The following TDRD12 variants were observed in gnomAD, a reference collection of about 807,000 sequenced individuals.
TDRD12 encodes tudor domain containing 12.
Under a neutral mutation model 133.5 loss-of-function variants are expected in TDRD12, and 158 were observed. That is an observed-to-expected ratio of 1.18 (90% CI 1.04 to 1.35). The LOEUF is 1.35. Among genes scored for constraint, TDRD12 ranks in the 40% most tolerant of loss-of-function variants. TDRD12 has a pLI of 0.00. For synonymous variants in TDRD12, 460 were observed against 477.9 expected, an observed-to-expected ratio of 0.96 and a Z score of 0.49; for missense variants, 1,443 against 1,321.3, an observed-to-expected ratio of 1.09 and a Z score of -1.43.
chr19:32,802,693 C>T (rs754001972), exon 20 of TDRD12: 118 of 1,536,084 alleles, frequency 7.7e-5, no homozygotes, highest in Non-Finnish European at 9.6e-5. Context: ...TGGCCATCAC[C>T]GATGCCACGT....
chr19:32,749,663 C>A, intron 5 of TDRD12, 121 bp from the exon 6 acceptor site: 1 of 695,718 alleles, frequency 1.4e-6, no homozygotes. Context: ...TGGTCCTGCC[C>A]GAGGAAGACA....
chr19:32,740,611 G>A (rs1418581582), intron 3 of TDRD12, among the ~76,000 whole-genome samples: 1 of 152,150 alleles, frequency 6.6e-6, no homozygotes, highest in African/African-American at 2.4e-5. Flanking sequence ...CCTCTTCTGG[G>A]TGCTCCTTGC....
intron 8 of TDRD12, among the ~76,000 whole-genome samples, chr19:32,767,469 A>G (rs1970332132): frequency 6.6e-6 from 1 of 152,138 alleles, no homozygotes. Flanking sequence ...TAGAAACCCC[A>G]CAATAATTCA....
intron 8 of TDRD12, among the ~76,000 whole-genome samples, chr19:32,760,293 T>C (rs1044128268): frequency 4.6e-5 from 7 of 152,226 alleles, no homozygotes; most frequent in African/African-American, 1.7e-4. Flanking sequence ...GTAACTGAAT[T>C]GGCATGTAAA....
At chr19:32,750,851 CA>C (rs1488190744) in intron 6 of TDRD12, among the ~76,000 whole-genome samples, 1 of 152,198 alleles carries the variant, frequency 6.6e-6, no homozygotes. Flanking sequence ...GCATTTTTGG[CA>C]AGAAGCCCAC....
chr19:32,734,153 C>G (rs1237051688), intron 2 of TDRD12, among the ~76,000 whole-genome samples: 2 of 152,030 alleles, frequency 1.3e-5, no homozygotes, highest in Admixed American at 6.6e-5. Context: ...TCTCAGCCTC[C>G]CAAAGTGCTG....
chr19:32,810,544 A>G (rs1053166923), intron 23 of TDRD12, among the ~76,000 whole-genome samples: 1 of 152,216 alleles, frequency 6.6e-6, no homozygotes, highest in African/African-American at 2.4e-5. Flanking sequence ...CCAAGTTCCT[A>G]TCAAGTGGGC....
intron 11 of TDRD12, among the ~76,000 whole-genome samples, chr19:32,780,287 T>C (rs1179866944): frequency 6.6e-6 from 1 of 152,156 alleles, no homozygotes; most frequent in Non-Finnish European, 1.5e-5. Context: ...GGTTTCGCCA[T>C]GATGGCCAGG....
At chr19:32,793,139 T>C (rs1319713790) in intron 13 of TDRD12, among the ~76,000 whole-genome samples, 1 of 152,002 alleles carries the variant, frequency 6.6e-6, no homozygotes, top group Non-Finnish European at 1.5e-5. Context: ...TGAGCCAAGA[T>C]CGTGCCACTG....
intron 4 of TDRD12, among the ~76,000 whole-genome samples, chr19:32,745,043 T>C (rs1261355224): frequency 2.0e-5 from 3 of 152,204 alleles, no homozygotes; most frequent in African/African-American, 7.2e-5. Context: ...CTGAGGCCAA[T>C]GCGCCCTACC....
exon 10 of TDRD12, chr19:32,829,070 T>A (rs1395270357): frequency 1.3e-5 from 2 of 152,338 alleles, no homozygotes; most frequent in Admixed American, 6.5e-5. Context: ...GTGAAGGTTT[T>A]GACTGTGGAG....
At chr19:32,766,637 C>CAA in intron 8 of TDRD12, among the ~76,000 whole-genome samples, 1 of 150,716 alleles carries the variant, frequency 6.6e-6, no homozygotes, top group African/African-American at 2.4e-5. Context: ...TTTTTTGAGA[C>CAA]AGAGTCTCGC....
chr19:32,813,853 A>G, intron 25 of TDRD12, 77 bp downstream of exon 25: 1 of 799,842 alleles, frequency 1.3e-6, no homozygotes, highest in Admixed American at 2.5e-5. Context: ...CTAAGCCCTC[A>G]CTTGAATAAC....
At chr19:32,809,888 T>C (rs1966940741) in intron 22 of TDRD12, among the ~76,000 whole-genome samples, 1 of 152,234 alleles carries the variant, frequency 6.6e-6, no homozygotes, top group Non-Finnish European at 1.5e-5. Flanking sequence ...TTCCATTAGA[T>C]TTAAAGTGAA....
At position 32,730,998 on chromosome 19, in the gene TDRD12, C is replaced by G. The variant is rs1176843456; in HGVS notation, c.25-727C>G. Among the ~76,000 whole-genome samples, 3 of 152,184 alleles carry G rather than the reference C, an allele frequency of 2.0e-5. No individual in the cohort carries two copies. In the East Asian group the frequency reaches 5.8e-4, roughly 29 times the overall value. ...CCACTGCACTCCAACCTGGGTGACA[C>G]AGCGAGACCTTTTGGTATTTTCAAT... is the stretch of plus-strand genomic sequence containing the variant. On this transcript the variant is annotated intron_variant, in intron 1 of 27. Coordinates refer to ENST00000444215, the Ensembl canonical transcript of TDRD12.
Position 32,736,905 on chromosome 19 carries a change from G to C in TDRD12, c.184-1951G>C, listed in dbSNP as rs144103415. On this transcript the variant is annotated intron_variant, in intron 2 of 27. Transcript: ENST00000444215. ...CATTTACAGATGCTTCTTAACTTAC[G>C]ATGAGGTTATGTCCTGATAATTGTA... Among the ~76,000 whole-genome samples, 6 of 152,208 alleles carry C rather than the reference G, an allele frequency of 3.9e-5. No homozygotes were observed. The East Asian group carries it at 1.2e-3, about 29-fold the overall frequency.
intron 8 of TDRD12, among the ~76,000 whole-genome samples, chr19:32,764,103 C>CTTTTTTTTTTTTTTTT (rs5827820): frequency 4.1e-5 from 3 of 72,298 alleles, no homozygotes; most frequent in Non-Finnish European, 7.1e-5. Flanking sequence ...TATTGTCCAT[C>CTTTTTTTTTTTTTTTT]TTTTTTTTTT....
chr19:32,762,032 T>G (rs1410650273), intron 8 of TDRD12, among the ~76,000 whole-genome samples: 6 of 151,742 alleles, frequency 4.0e-5, no homozygotes, highest in Admixed American at 2.0e-4. Flanking sequence ...TTAAATTGAC[T>G]TTTTTGTCCT....
At chr19:32,824,923 G>C (rs1446835068), downstream of TDRD12, among the ~76,000 whole-genome samples, 2 of 152,140 alleles carry the variant, frequency 1.3e-5, no homozygotes, top group African/African-American at 4.8e-5. Context: ...TTGGTTGACG[G>C]CTCCGAGGAG....
Sources: allele counts gnomAD v4.1 joint callset (sites outside exome capture counted in the v4.1 genomes callset), GRCh38; gene constraint gnomAD v4.1.1; transcripts MANE v1.5; gene names NCBI Gene and HGNC (gene_info 2026-07-23, HGNC 2026-07-21).